The following ZNF79 variants were observed in gnomAD, a reference collection of about 807,000 sequenced individuals.
ZNF79 encodes the protein ZNFpT7.
ZNF79 carries 13 observed loss-of-function variants against 14.9 expected under a neutral mutation model. That is an observed-to-expected ratio of 0.87 (90% CI 0.57 to 1.38). ZNF79 has a LOEUF of 1.38. Among genes scored for constraint, ZNF79 ranks in the 40% most tolerant of loss-of-function variants. ZNF79 has a pLI of 0.00. For missense variants in ZNF79, 631 were observed against 630.6 expected (o/e 1.00, Z -0.01); for synonymous variants, 223 against 235.1 (o/e 0.95, Z 0.47).
intron 4 of ZNF79, among the ~76,000 whole-genome samples, chr9:127,443,707 C>A (rs889471954): frequency 1.3e-5 from 2 of 152,038 alleles, no homozygotes; most frequent in Admixed American, 6.6e-5. Context: ...CGAGACTATC[C>A]TGGCTAACAC....
intron 4 of ZNF79, among the ~76,000 whole-genome samples, chr9:127,440,815 G>A (rs927300872): frequency 4.6e-5 from 7 of 152,144 alleles, no homozygotes; most frequent in African/African-American, 1.7e-4. Context: ...CTGGTGGATT[G>A]GATGTGAGAT....
At chr9:127,429,964 G>A (rs539028755) in intron 2 of ZNF79, among the ~76,000 whole-genome samples, 1 of 151,920 alleles carries the variant, frequency 6.6e-6, no homozygotes, top group East Asian at 1.9e-4. Flanking sequence ...TTACAGGTGC[G>A]CCCTACCACG....
At chr9:127,430,604 A>G (rs1833843349) in intron 2 of ZNF79, among the ~76,000 whole-genome samples, 1 of 152,268 alleles carries the variant, frequency 6.6e-6, no homozygotes, top group Non-Finnish European at 1.5e-5. Flanking sequence ...ACATGACTTC[A>G]TTTTTTATGG....
intron 4 of ZNF79, among the ~76,000 whole-genome samples, chr9:127,443,089 CTGTT>C (rs1351398056): frequency 2.0e-5 from 3 of 152,188 alleles, no homozygotes; most frequent in Non-Finnish European, 4.4e-5. Context: ...CCGCCTGAGG[CTGTT>C]TTACAGATAA....
chr9:127,439,201 ACAC>A (rs768637760), intron 4 of ZNF79, among the ~76,000 whole-genome samples: 5 of 150,770 alleles, frequency 3.3e-5, no homozygotes, highest in South Asian at 2.1e-4. Flanking sequence ...ACACACACAC[ACAC>A]AACGCGCACA....
At chr9:127,439,210 GCA>G (rs928326270) in intron 4 of ZNF79, among the ~76,000 whole-genome samples, 14 of 143,926 alleles carry the variant, frequency 9.7e-5, no homozygotes, top group African/African-American at 3.6e-4. Flanking sequence ...CACACAACGC[GCA>G]CACACACACA....
chr9:127,425,017 CA>C (rs1564229070), intron 1 of ZNF79: 22 of 1,363,328 alleles, frequency 1.6e-5, no homozygotes, highest in East Asian at 5.3e-5. Flanking sequence ...ATTCGGGGGT[CA>C]AAAAAGTTTG....
rs754928182 is a variant in ZNF79, at chr9:127,444,409, A to T, written c.709A>T (p.Ile237Phe). 1.2e-6 allele frequency: 2 copies of T among 1,612,452 alleles called. No homozygotes were observed. The highest frequency in any genetic ancestry group is 1.7e-6 in the Non-Finnish European group (2 of 1,178,728). ...GKAFSQSSSL[I>F]QHQRIHTGEK... ...GGCCTTCAGCCAGAGCTCATCTCTCATTCAGCACCAGAGGATTCACACTGG... is the reference window on the plus strand; with the variant it reads ...GGCCTTCAGCCAGAGCTCATCTCTCTTTCAGCACCAGAGGATTCACACTGG... The change falls in exon 5 of 5, where the codon ATT becomes TTT. Residue 237 changes from isoleucine (I) to phenylalanine (F), a missense_variant. Coordinates refer to ENST00000342483, the MANE Select transcript of ZNF79 (RefSeq NM_007135.3).
At chr9:127,427,294 G>A (rs970118777) in intron 1 of ZNF79, among the ~76,000 whole-genome samples, 2 of 150,798 alleles carry the variant, frequency 1.3e-5, no homozygotes, top group East Asian at 2.0e-4. Flanking sequence ...GTGGTGGTGC[G>A]TGCCTGTAAT....
rs750228910 is a variant in ZNF79 at position 127,445,226 on chromosome 9, C to T, written c.*29C>T. 1.2e-6 allele frequency: 2 copies of T among 1,602,932 alleles called. No individual in the cohort carries two copies. Among genetic ancestry groups the T allele is most frequent in the East Asian group, 2.2e-5 (1 of 44,772 alleles). ...GGAACATGGTAGAAGTGGAGAGAGTCCCGGACATGCCGACTCAGGACAGGT... is the reference window on the plus strand; with the variant it reads ...GGAACATGGTAGAAGTGGAGAGAGTTCCGGACATGCCGACTCAGGACAGGT... On this transcript the variant is annotated 3_prime_UTR_variant, in exon 5 of 5. Transcript: ENST00000342483.
At chr9:127,434,453 C>T (rs1377209424) in intron 2 of ZNF79, among the ~76,000 whole-genome samples, 4 of 152,162 alleles carry the variant, frequency 2.6e-5, no homozygotes, top group African/African-American at 9.7e-5. Flanking sequence ...ATTCTAATTT[C>T]GCTCTTTCTA....
chr9:127,429,157 G>A (rs896257496), intron 2 of ZNF79, among the ~76,000 whole-genome samples: 1 of 152,114 alleles, frequency 6.6e-6, no homozygotes, highest in African/African-American at 2.4e-5. Context: ...GGGATTACAG[G>A]CACGCATCAC....
Position 127,435,166 on chromosome 9 carries a change from A to G in ZNF79, c.182A>G (p.Asp61Gly). The G allele has an allele frequency of 6.2e-7, 1 of 1,613,364 alleles. No homozygotes were observed. The highest frequency in any genetic ancestry group is 8.5e-7 in the Non-Finnish European group (1 of 1,179,638). ...RWRCLVSTPR[D>G]RFKEGIPGKS... ...AGGTGCCTCGTGTCTACTCCACGGG[A>G]CAGGTTCAAGGAGGGGATACCAGGA... The change falls in exon 3 of 5, where the codon GAC becomes GGC. Residue 61 changes from aspartate to glycine, a missense_variant. Transcript: ENST00000342483.
chr9:127,428,810 T>G, intron 1 of ZNF79, 22 bp from the exon 2 acceptor site: 1 of 1,544,730 alleles, frequency 6.5e-7, no homozygotes, highest in Non-Finnish European at 8.7e-7. Flanking sequence ...TTAACATTAT[T>G]AGTTTTTTTC....
chr9:127,428,548 G>A (rs1224901291), intron 1 of ZNF79: 2 of 509,546 alleles, frequency 3.9e-6, no homozygotes, highest in Non-Finnish European at 5.3e-6. Flanking sequence ...TCCCCATTTT[G>A]CAGATGAGAA....
chr9:127,428,812 GT>G lies in ZNF79; in HGVS notation c.17-13del. On this transcript the variant is annotated intron_variant, in intron 1 of 4. Coordinates refer to ENST00000342483, the MANE Select transcript of ZNF79 (RefSeq NM_007135.3). ...TCATAAACTGCTTTTAACATTATTA[GT>G]TTTTTTCTCTTTCTCTAGTACTGCC... is the stretch of plus-strand genomic sequence containing the variant. 6.5e-7 allele frequency: 1 copy of G among 1,549,020 alleles called. No individual in the cohort carries two copies. The highest frequency in any genetic ancestry group is 8.7e-7 in the Non-Finnish European group (1 of 1,148,272).
At chr9:127,441,290 A>G (rs1360947145) in intron 4 of ZNF79, among the ~76,000 whole-genome samples, 1 of 152,166 alleles carries the variant, frequency 6.6e-6, no homozygotes, top group Non-Finnish European at 1.5e-5. Flanking sequence ...AAGGTACAGA[A>G]TAACAAGAAC....
intron 4 of ZNF79, among the ~76,000 whole-genome samples, chr9:127,440,334 G>T (rs1224149163): frequency 6.6e-6 from 1 of 152,088 alleles, no homozygotes; most frequent in Non-Finnish European, 1.5e-5. Flanking sequence ...TGAAGGAAGG[G>T]GATGAGCCAG....
chr9:127,425,596 T>G (rs1439912091), intron 1 of ZNF79, among the ~76,000 whole-genome samples: 6 of 151,982 alleles, frequency 3.9e-5, no homozygotes, highest in African/African-American at 1.5e-4. Flanking sequence ...TTTTTGTTTG[T>G]TTTGTTTTGT....
Sources: gnomAD v4.1 joint callset for allele counts (sites outside exome capture counted in the v4.1 genomes callset) on GRCh38, gnomAD v4.1.1 for gene constraint, MANE v1.5 for transcripts, NCBI Gene and HGNC (gene_info 2026-07-23, HGNC 2026-07-21) for gene names.